The following TSHZ2 variants were observed in gnomAD, a reference collection of about 807,000 sequenced individuals.
The protein encoded by TSHZ2 is teashirt zinc finger homeobox 2.
A neutral mutation model predicts 74.4 loss-of-function variants in TSHZ2; 21 were observed. The observed-to-expected ratio is 0.28, with a 90% confidence interval of 0.20 to 0.41. The LOEUF (loss-of-function observed/expected upper bound fraction) is 0.41. TSHZ2 is among the 10% of genes least tolerant of loss of function. TSHZ2 has a pLI of 1.00. For synonymous variants in TSHZ2, 540 were observed against 515.3 expected, an observed-to-expected ratio of 1.05 and a Z score of -0.65; for missense variants, 1,244 against 1,293.5, an observed-to-expected ratio of 0.96 and a Z score of 0.59.
At chr20:53,004,919 G>C (rs1600641131) in intron 1 of TSHZ2, among the ~76,000 whole-genome samples, 1 of 152,296 alleles carries the variant, frequency 6.6e-6, no homozygotes, top group East Asian at 1.9e-4. Flanking sequence ...AGAGACAGGA[G>C]GAAATTCATC....
intron 2 of TSHZ2, among the ~76,000 whole-genome samples, chr20:53,340,952 C>T (rs1980174334): frequency 6.6e-6 from 1 of 152,180 alleles, no homozygotes; most frequent in African/African-American, 2.4e-5. Context: ...TTATTCCTAC[C>T]TGCTGGCTTG....
intron 2 of TSHZ2, among the ~76,000 whole-genome samples, chr20:53,423,946 C>A (rs1377665108): frequency 6.6e-6 from 1 of 152,210 alleles, no homozygotes; most frequent in East Asian, 1.9e-4. Context: ...TCCAGGGATG[C>A]AGCTAAACAC....
At chr20:53,237,933 G>A (rs1425235504) in intron 1 of TSHZ2, among the ~76,000 whole-genome samples, 11 of 152,144 alleles carry the variant, frequency 7.2e-5, no homozygotes, top group Non-Finnish European at 1.5e-4. Context: ...TATGTTTCCA[G>A]AAAGCATTTT....
chr20:53,204,385 A>G (rs1989108714), intron 1 of TSHZ2, among the ~76,000 whole-genome samples: 3 of 142,918 alleles, frequency 2.1e-5, no homozygotes, highest in Non-Finnish European at 4.5e-5. Flanking sequence ...ACATGATGAT[A>G]TGATACTATA....
chr20:53,157,517 A>G (rs1016663552), intron 1 of TSHZ2, among the ~76,000 whole-genome samples: 2 of 151,198 alleles, frequency 1.3e-5, no homozygotes, highest in Non-Finnish European at 2.9e-5. Flanking sequence ...AGCAATCCTC[A>G]TGCTTTAGCC....
At chr20:53,283,599 G>C (rs746240561) in intron 2 of TSHZ2, among the ~76,000 whole-genome samples, 14 of 152,168 alleles carry the variant, frequency 9.2e-5, no homozygotes, top group Admixed American at 7.2e-4. Context: ...AAATAAAATA[G>C]TAAGAAGAAT....
At chr20:53,010,135 A>G (rs1190065458) in intron 1 of TSHZ2, among the ~76,000 whole-genome samples, 1 of 152,162 alleles carries the variant, frequency 6.6e-6, no homozygotes, top group East Asian at 1.9e-4. Flanking sequence ...AAAGCCAGTC[A>G]TTCAGGACCC....
At chr20:53,421,678 T>C (rs1983469882) in intron 2 of TSHZ2, 2 of 146,498 alleles carry the variant, frequency 1.4e-5, no homozygotes, top group Non-Finnish European at 2.9e-5. Context: ...TCTTATGTTT[T>C]TGGTTTTTTT....
chr20:53,199,298 C>A (rs1460830684), intron 1 of TSHZ2, among the ~76,000 whole-genome samples: 1 of 151,932 alleles, frequency 6.6e-6, no homozygotes, highest in Non-Finnish European at 1.5e-5. Flanking sequence ...AGGAGTGAAA[C>A]CCTGTCTCTA....
At chr20:53,416,345 T>C (rs143232083) in intron 2 of TSHZ2, among the ~76,000 whole-genome samples, 2 of 152,302 alleles carry the variant, frequency 1.3e-5, no homozygotes, top group Admixed American at 6.5e-5. Context: ...CTGGAAATAA[T>C]AGCAATATCC....
intron 1 of TSHZ2, among the ~76,000 whole-genome samples, chr20:53,242,618 C>T (rs1290894290): frequency 6.6e-6 from 1 of 150,712 alleles, no homozygotes; most frequent in African/African-American, 2.5e-5. Flanking sequence ...ATCTACTTCC[C>T]ATAGGGAGTA....
chr20:53,408,126 C>T (rs190718443), intron 2 of TSHZ2, among the ~76,000 whole-genome samples: 117 of 152,232 alleles, frequency 7.7e-4, no homozygotes, highest in African/African-American at 2.6e-3. Context: ...AGCTGGTGTC[C>T]GGCTGTGTCT....
At position 53,018,872 on chromosome 20, in the gene TSHZ2, G is replaced by A. The variant is rs375183617; in HGVS notation, c.40+45539G>A. On this transcript the variant is annotated intron_variant, in intron 1 of 2. Coordinates refer to ENST00000371497, the MANE Select transcript of TSHZ2 (RefSeq NM_173485.6). ...TCTTGCCCAGTTTATCTTTCAATTC[G>A]TTTTCTGGATCTTCGTCCAATTTAA... is the stretch of plus-strand genomic sequence containing the variant. Among the ~76,000 whole-genome samples the A allele has an allele frequency of 1.4e-4, 21 of 152,134 alleles. No individual in the cohort carries two copies. The South Asian group carries it at 1.5e-3, about 11-fold the overall frequency.
intron 2 of TSHZ2, among the ~76,000 whole-genome samples, chr20:53,333,477 A>G (rs1376435214): frequency 6.7e-6 from 1 of 148,594 alleles, no homozygotes; most frequent in Non-Finnish European, 1.5e-5. Context: ...TTTTTTTTAG[A>G]TGGAGTCTCG....
intron 1 of TSHZ2, among the ~76,000 whole-genome samples, chr20:53,038,495 G>A (rs1028367060): frequency 1.3e-5 from 2 of 152,050 alleles, no homozygotes; most frequent in Non-Finnish European, 2.9e-5. Context: ...TAAGAGTATT[G>A]ATCATCTCCA....
intron 2 of TSHZ2, among the ~76,000 whole-genome samples, chr20:53,405,026 G>T (rs921412012): frequency 3.9e-5 from 6 of 152,158 alleles, no homozygotes; most frequent in African/African-American, 1.2e-4. Context: ...GATGTGGGTG[G>T]ATCACCTGAG....
intron 2 of TSHZ2, among the ~76,000 whole-genome samples, chr20:53,359,605 G>A (rs1980976493): frequency 6.6e-6 from 1 of 152,232 alleles, no homozygotes; most frequent in Non-Finnish European, 1.5e-5. Flanking sequence ...GCTGGCAAGA[G>A]GCTATTACAA....
chr20:53,322,297 G>C (rs753572035), intron 2 of TSHZ2, among the ~76,000 whole-genome samples: 2 of 152,184 alleles, frequency 1.3e-5, no homozygotes, highest in African/African-American at 4.8e-5. Flanking sequence ...TGGATCACTT[G>C]AGGTCAAGAG....
At position 53,004,484 on chromosome 20, in the gene TSHZ2, C is replaced by T. The variant is rs11698666; in HGVS notation, c.40+31151C>T. ...CCTTGACCCCATGCAGGCGTTGCCC[C>T]GCCACCTCTTCCTGTCTTTTTAATT... On this transcript the variant is annotated intron_variant, in intron 1 of 2. Coordinates refer to ENST00000371497, the MANE Select transcript of TSHZ2 (RefSeq NM_173485.6). Among the ~76,000 whole-genome samples, 440 of 152,226 alleles carry T rather than the reference C, an allele frequency of 2.9e-3. 3 individuals are homozygous for T. The highest frequency in any genetic ancestry group is 2.9e-3 in the Non-Finnish European group (195 of 68,004).
Sources: gnomAD v4.1 joint callset for allele counts (sites outside exome capture counted in the v4.1 genomes callset) on GRCh38, gnomAD v4.1.1 for gene constraint, MANE v1.5 for transcripts, NCBI Gene and HGNC (gene_info 2026-07-23, HGNC 2026-07-21) for gene names.